Variants in RIT2 observed in about 807,000 individuals in gnomAD.
RIT2 encodes the protein GTP-binding protein Rit2.
Under a neutral mutation model 23.7 loss-of-function variants are expected in RIT2, and 24 were observed. The observed-to-expected ratio is 1.01, with a 90% CI of 0.73 to 1.43. The LOEUF is 1.43. RIT2 is among the 40% of genes most tolerant of loss of function. The probability of loss-of-function intolerance (pLI) is 0.00; values close to 1 mark genes in which losing one functional copy is unlikely to be tolerated. For synonymous variants in RIT2, 107 were observed against 91.1 expected (o/e 1.17, Z -0.99); for missense variants, 236 against 266.9 (o/e 0.88, Z 0.81).
chr18:43,017,192 A>G (rs1346236010), intron 2 of RIT2, among the ~76,000 whole-genome samples: 1 of 151,968 alleles, frequency 6.6e-6, no homozygotes, highest in Non-Finnish European at 1.5e-5. Flanking sequence ...AATTACACAA[A>G]TTGGGAGAGG....
chr18:42,827,403 A>T (rs1177636236), intron 4 of RIT2, among the ~76,000 whole-genome samples: 3 of 152,188 alleles, frequency 2.0e-5, no homozygotes, highest in African/African-American at 7.2e-5. Context: ...GGGTAGTAAA[A>T]CATTTCTTAA....
chr18:43,024,749 A>C (rs1911672279), intron 2 of RIT2, among the ~76,000 whole-genome samples: 1 of 151,798 alleles, frequency 6.6e-6, no homozygotes, highest in Admixed American at 6.6e-5. Context: ...ACAACAAAAT[A>C]GCTCATTATA....
intron 4 of RIT2, among the ~76,000 whole-genome samples, chr18:42,755,899 C>T (rs2143891253): frequency 6.6e-6 from 1 of 152,212 alleles, no homozygotes; most frequent in Non-Finnish European, 1.5e-5. Context: ...CTTAGTGGTT[C>T]TCAGCTTCCT....
intron 1 of RIT2, among the ~76,000 whole-genome samples, chr18:43,062,160 G>A (rs367603557): frequency 1.8e-4 from 28 of 152,128 alleles, no homozygotes; most frequent in East Asian, 9.7e-4. Context: ...GGAGGTTTAC[G>A]TGTATTTAAT....
intron 4 of RIT2, among the ~76,000 whole-genome samples, chr18:42,881,381 C>T (rs536738537): frequency 6.6e-6 from 1 of 152,236 alleles, no homozygotes; most frequent in South Asian, 2.1e-4. Context: ...TCAATCGATT[C>T]TTTATTCAAC....
intron 4 of RIT2, among the ~76,000 whole-genome samples, chr18:42,843,942 C>T (rs1251349160): frequency 6.6e-6 from 1 of 152,092 alleles, no homozygotes; most frequent in African/African-American, 2.4e-5. Context: ...TTACCTATTA[C>T]AGGAATAAAA....
At chr18:42,917,680 C>A (rs901516039) in intron 4 of RIT2, among the ~76,000 whole-genome samples, 4 of 152,112 alleles carry the variant, frequency 2.6e-5, no homozygotes, top group African/African-American at 9.7e-5. Context: ...TAAATAAAAT[C>A]CAAACTCTTA....
intron 1 of RIT2, among the ~76,000 whole-genome samples, chr18:43,105,813 C>T (rs1263038691): frequency 1.3e-5 from 2 of 152,122 alleles, no homozygotes; most frequent in African/African-American, 4.8e-5. Flanking sequence ...TTATTGTCAT[C>T]CCCATTTTAC....
chr18:43,026,249 G>A (rs1911713727), intron 2 of RIT2, among the ~76,000 whole-genome samples: 1 of 151,872 alleles, frequency 6.6e-6, no homozygotes, highest in African/African-American at 2.4e-5. Context: ...AGAATGATGA[G>A]ATTACCTTAG....
chr18:42,827,389 C>A (rs1233402282), intron 4 of RIT2, among the ~76,000 whole-genome samples: 1 of 151,744 alleles, frequency 6.6e-6, no homozygotes, highest in Non-Finnish European at 1.5e-5. Context: ...ACTTAAAGAC[C>A]TCAGGGTAGT....
intron 2 of RIT2, among the ~76,000 whole-genome samples, chr18:43,020,274 C>A (rs1216747725): frequency 6.6e-6 from 1 of 152,006 alleles, no homozygotes; most frequent in Non-Finnish European, 1.5e-5. Context: ...CACTTGCTAT[C>A]AAGAGTTCAA....
chr18:42,854,045 T>C (rs1289273024), intron 4 of RIT2, among the ~76,000 whole-genome samples: 2 of 152,212 alleles, frequency 1.3e-5, no homozygotes, highest in Non-Finnish European at 2.9e-5. Context: ...AACTGTATCA[T>C]GAAATTAGTA....
intron 4 of RIT2, among the ~76,000 whole-genome samples, chr18:42,827,537 G>A (rs1372541441): frequency 6.6e-6 from 1 of 151,688 alleles, no homozygotes; most frequent in Non-Finnish European, 1.5e-5. Context: ...AAAAACTAGG[G>A]AAGATATTTC....
chr18:42,907,871 C>G (rs1908664054), intron 4 of RIT2, among the ~76,000 whole-genome samples: 1 of 151,742 alleles, frequency 6.6e-6, no homozygotes. Context: ...GTCCCAGCTA[C>G]TTGGGAGACT....
chr18:42,754,082 A>G (rs1913107311), intron 4 of RIT2, among the ~76,000 whole-genome samples: 1 of 152,106 alleles, frequency 6.6e-6, no homozygotes, highest in Admixed American at 6.6e-5. Context: ...TTCCCCAATT[A>G]TCTTTTTTAG....
At chr18:42,977,264 T>C (rs1322130142) in intron 2 of RIT2, among the ~76,000 whole-genome samples, 3 of 150,962 alleles carry the variant, frequency 2.0e-5, no homozygotes, top group Non-Finnish European at 4.4e-5. Context: ...AAAACACAGT[T>C]TTACACATTA....
intron 2 of RIT2, among the ~76,000 whole-genome samples, chr18:42,983,629 A>G (rs1322598371): frequency 1.3e-5 from 2 of 152,106 alleles, no homozygotes; most frequent in Non-Finnish European, 1.5e-5. Context: ...TTTAACATAT[A>G]TAAATAACTC....
In RIT2 at chr18:42,921,760, C is replaced by T. The variant is rs34985204; in HGVS notation, c.426+1812G>A. Among the ~76,000 whole-genome samples the T allele has an allele frequency of 2.9e-3, 443 of 152,156 alleles. 3 individuals are homozygous for T. Among genetic ancestry groups the T allele is most frequent in the Non-Finnish European group, 4.1e-3 (282 of 67,972 alleles). On this transcript the variant is annotated intron_variant, in intron 4 of 4. Coordinates refer to ENST00000326695, the MANE Select transcript of RIT2 (RefSeq NM_002930.4). ...CAGAGGTTTTTGTTCTCCAGGAATT[C>T]TTAGAAGTGCAACAAAAATGGGCAT...
intron 3 of RIT2, among the ~76,000 whole-genome samples, chr18:42,952,456 T>C (rs1373043983): frequency 1.3e-5 from 2 of 152,138 alleles, no homozygotes; most frequent in Non-Finnish European, 2.9e-5. Context: ...AGGGATCTAC[T>C]GTATACTATA....
Sources: allele counts gnomAD v4.1 joint callset (sites outside exome capture counted in the v4.1 genomes callset), GRCh38; gene constraint gnomAD v4.1.1; transcripts MANE v1.5; gene names NCBI Gene and HGNC (gene_info 2026-07-23, HGNC 2026-07-21).